NACC2: variants seen among roughly 807,000 people sequenced by gnomAD.
The protein encoded by NACC2 is NACC family member 2, also known as nucleus accumbens-associated protein 2.
NACC2 carries 8 observed loss-of-function variants against 25.1 expected under a neutral mutation model. The ratio of observed to expected loss-of-function variants is 0.32; its 90% CI spans 0.19 to 0.57. The LOEUF is 0.57. NACC2 is among the 20% of genes least tolerant of loss of function. NACC2 has a pLI of 0.89. For missense variants in NACC2, 644 were observed against 650.2 expected (o/e 0.99, Z 0.10); for synonymous variants, 435 against 294.7 (o/e 1.48, Z -4.88).
At chr9:136,059,342 G>A (rs560258451) in intron 1 of NACC2, among the ~76,000 whole-genome samples, 2 of 152,264 alleles carry the variant, frequency 1.3e-5, no homozygotes, top group South Asian at 2.1e-4. Flanking sequence ...CAGCCCATCC[G>A]GAGCAGGGCC....
intron 2 of NACC2, among the ~76,000 whole-genome samples, chr9:136,017,908 G>A (rs565295879): frequency 4.2e-4 from 64 of 152,332 alleles, no homozygotes; most frequent in African/African-American, 1.4e-3. Context: ...TTGCACGAGG[G>A]CAGCCTGCAG....
chr9:136,012,105 C>A (rs1840120288), intron 5 of NACC2, 81 bp from the exon 6 acceptor site: 4 of 1,431,448 alleles, frequency 2.8e-6, no homozygotes, highest in Non-Finnish European at 3.7e-6. Flanking sequence ...AACCATGATG[C>A]CCTGGATGAG....
At chr9:136,048,866 C>T (rs1036442667) in intron 2 of NACC2, among the ~76,000 whole-genome samples, 1 of 152,226 alleles carries the variant, frequency 6.6e-6, no homozygotes, top group East Asian at 1.9e-4. Context: ...CACTGCCCCT[C>T]GGGGTCCACC....
chr9:136,038,594 G>T (rs10858212), intron 2 of NACC2, among the ~76,000 whole-genome samples: 82,386 of 152,002 alleles, frequency 0.54, 22,621 homozygotes, highest in Middle Eastern at 0.68. Context: ...CATCAAAGAG[G>T]AAATGTTATA....
At chr9:136,027,203 C>T (rs1026308104) in intron 2 of NACC2, among the ~76,000 whole-genome samples, 10 of 152,012 alleles carry the variant, frequency 6.6e-5, no homozygotes, top group South Asian at 2.1e-4. Context: ...CCAGCCTGGA[C>T]GATGGAGCAA....
At chr9:136,074,624 C>G (rs1331453449) in intron 1 of NACC2, among the ~76,000 whole-genome samples, 3 of 151,714 alleles carry the variant, frequency 2.0e-5, no homozygotes, top group Non-Finnish European at 1.5e-5. Flanking sequence ...CACAGCAAGG[C>G]TGCCTGCCTT....
chr9:136,028,027 AG>A (rs1176304324), intron 2 of NACC2, among the ~76,000 whole-genome samples: 1 of 152,180 alleles, frequency 6.6e-6, no homozygotes, highest in African/African-American at 2.4e-5. Context: ...TGGGAGGCCA[AG>A]GTGGGTGGAT....
rs114766248 is a variant in NACC2, at chr9:136,086,193, C to T, written c.-60+8996G>A. On this transcript the variant is annotated intron_variant, in intron 1 of 5. Transcript: ENST00000277554. The surrounding 1 kb of genome is among the most constrained non-coding windows in gnomAD (Gnocchi z 5.6). ...GCCACTCCCTGAATGTGGCCAGGAC[C>T]CTCCATGGGCCTTCAGAGCAGCAAA... 9.5e-3 allele frequency among the ~76,000 whole-genome samples: 1,447 copies of T among 152,340 alleles called. 20 individuals are homozygous for T. Among genetic ancestry groups the T allele is most frequent in the African/African-American group, 0.032 (1,347 of 41,560 alleles).
chr9:136,043,370 C>T (rs1840674004), intron 2 of NACC2, among the ~76,000 whole-genome samples: 1 of 152,190 alleles, frequency 6.6e-6, no homozygotes, highest in Admixed American at 6.5e-5. Context: ...CGTTACTGAC[C>T]ATCAGGGAAA....
At chr9:136,015,301 C>T (rs1302879376) in intron 3 of NACC2, among the ~76,000 whole-genome samples, 3 of 152,242 alleles carry the variant, frequency 2.0e-5, no homozygotes, top group African/African-American at 7.2e-5. Context: ...CCCACCCAGC[C>T]GCCCCGGCAG....
In NACC2 at chr9:136,018,852, C is replaced by T. The variant is rs1002692880; in HGVS notation, c.887-2423G>A. Among the ~76,000 whole-genome samples, 4 of 152,196 alleles carry T rather than the reference C, an allele frequency of 2.6e-5. No individual in the cohort carries two copies. Among genetic ancestry groups the T allele is most frequent in the African/African-American group, 4.8e-5 (2 of 41,452 alleles). ...GCTGTGATTACACACGCGGAGAAGC[C>T]GCACGGTGCGTGGCATTTACATAAA... On this transcript the variant is annotated intron_variant, in intron 2 of 5. Coordinates refer to ENST00000277554, the MANE Select transcript of NACC2 (RefSeq NM_144653.5). The surrounding 1 kb of genome is among the most constrained non-coding windows in gnomAD (Gnocchi z 4.4).
intron 2 of NACC2, among the ~76,000 whole-genome samples, chr9:136,044,153 G>T (rs1840685085): frequency 6.6e-6 from 1 of 152,074 alleles, no homozygotes; most frequent in East Asian, 1.9e-4. Flanking sequence ...AGCAAAAAAG[G>T]CGGGGAGGAG....
chr9:136,040,419 T>G (rs1320461608), intron 2 of NACC2, among the ~76,000 whole-genome samples: 28 of 152,136 alleles, frequency 1.8e-4, no homozygotes, highest in Non-Finnish European at 2.5e-4. Flanking sequence ...ACAATATAAT[T>G]CACAAACACA....
At chr9:136,061,570 G>A (rs936816663) in intron 1 of NACC2, among the ~76,000 whole-genome samples, 2 of 152,180 alleles carry the variant, frequency 1.3e-5, no homozygotes, top group Non-Finnish European at 2.9e-5. Context: ...CCAAGAGGAT[G>A]CGTGTACACG....
intron 1 of NACC2, among the ~76,000 whole-genome samples, chr9:136,077,698 C>A (rs867616549): frequency 1.5e-4 from 23 of 152,122 alleles, no homozygotes; most frequent in African/African-American, 5.3e-4. Context: ...TGTGGTCACC[C>A]GGGAAATGCG....
rs1227678581 is a variant in NACC2, at chr9:136,024,153, AGAGTGTGT to A, written c.887-7732_887-7725del. Among the ~76,000 whole-genome samples the A allele has an allele frequency of 1.3e-3, 123 of 92,768 alleles. 2 individuals are homozygous for A. The highest frequency in any genetic ancestry group is 6.3e-3 in the African/African-American group (113 of 18,056). The allele number at this position is 92,768 out of a possible 152,430, so 60.9% of individuals were successfully genotyped here. A position where few individuals can be genotyped will look rare whatever the true frequency, so the allele number is the denominator to read the frequency against. ...GTGAGGACAGTGTGTGTGTGGGGAC[AGAGTGTGT>A]GTGTGTGTGTGTGTGTGAGGACGGA... On this transcript the variant is annotated intron_variant, in intron 2 of 5. Coordinates refer to ENST00000277554, the MANE Select transcript of NACC2 (RefSeq NM_144653.5).
chr9:136,012,116 C>T, intron 5 of NACC2, 92 bp from the exon 6 acceptor site: 1 of 1,407,850 alleles, frequency 7.1e-7, no homozygotes, highest in South Asian at 1.5e-5. Flanking sequence ...CCTGGATGAG[C>T]CTCCCCGGCC....
intron 1 of NACC2, among the ~76,000 whole-genome samples, chr9:136,083,360 G>T (rs10776880): frequency 0.61 from 80,677 of 133,142 alleles, 22,892 homozygotes; most frequent in South Asian, 0.74. Context: ...GGCTGGGTTG[G>T]GGGGGAGGCA....
At chr9:136,048,349 AG>A (rs1398260773) in intron 2 of NACC2, among the ~76,000 whole-genome samples, 1 of 152,202 alleles carries the variant, frequency 6.6e-6, no homozygotes, top group African/African-American at 2.4e-5. Flanking sequence ...CGGGTCCACA[AG>A]CACTGACATC....
Sources: allele counts gnomAD v4.1 joint callset (sites outside exome capture counted in the v4.1 genomes callset), GRCh38; gene constraint gnomAD v4.1.1; non-coding constraint Gnocchi (gnomAD v3.1); transcripts MANE v1.5; gene names NCBI Gene and HGNC (gene_info 2026-07-23, HGNC 2026-07-21).